The following NELL2 variants were observed in gnomAD, a reference collection of about 807,000 sequenced individuals.
NELL2 encodes the protein protein kinase C-binding protein NELL2.
NELL2 carries 41 observed loss-of-function variants against 109.6 expected under a neutral mutation model. The observed-to-expected ratio is 0.37, with a 90% CI of 0.29 to 0.49. The LOEUF is 0.49. Ranked by LOEUF, NELL2 falls within the 20% of genes least tolerant of loss-of-function variation. NELL2 has a pLI of 0.98. For synonymous variants in NELL2, 355 were observed against 344.7 expected, an observed-to-expected ratio of 1.03 and a Z score of -0.33; for missense variants, 900 against 1,008.3, an observed-to-expected ratio of 0.89 and a Z score of 1.45.
intron 1 of NELL2, 194 bp from the exon 2 acceptor site, chr12:44,875,547 T>A: frequency 6.2e-7 from 1 of 1,613,554 alleles, no homozygotes; most frequent in South Asian, 1.1e-5. Flanking sequence ...GAGCACCCAG[T>A]CCCGTTTCCA....
At chr12:44,805,238 A>G (rs906101802) in intron 3 of NELL2, among the ~76,000 whole-genome samples, 1 of 151,924 alleles carries the variant, frequency 6.6e-6, no homozygotes, top group Non-Finnish European at 1.5e-5. Context: ...AATTTTTTTC[A>G]TAAAACTTAA....
chr12:44,768,966 T>TA (rs1941442165), intron 9 of NELL2, among the ~76,000 whole-genome samples: 1 of 151,606 alleles, frequency 6.6e-6, no homozygotes, highest in African/African-American at 2.4e-5. Flanking sequence ...TTTTTCACCA[T>TA]AGCCTACATA....
chr12:44,813,239 T>C (rs1375691030), intron 3 of NELL2, among the ~76,000 whole-genome samples: 1 of 152,220 alleles, frequency 6.6e-6, no homozygotes, highest in Non-Finnish European at 1.5e-5. Context: ...TCACATGTAA[T>C]GCATGGAGCA....
intron 3 of NELL2, among the ~76,000 whole-genome samples, chr12:44,789,584 T>C (rs1942307530): frequency 1.3e-5 from 2 of 151,800 alleles, no homozygotes; most frequent in African/African-American, 2.4e-5. Context: ...CCCCCAAAAA[T>C]CATACTAGTT....
intron 9 of NELL2, among the ~76,000 whole-genome samples, chr12:44,758,192 A>G (rs1476965513): frequency 1.3e-5 from 2 of 152,114 alleles, no homozygotes; most frequent in African/African-American, 4.8e-5. Context: ...TAACTAGATC[A>G]TTTGGGGAAT....
chr12:44,822,432 C>T (rs1340490764), intron 2 of NELL2, among the ~76,000 whole-genome samples: 1 of 152,162 alleles, frequency 6.6e-6, no homozygotes, highest in Non-Finnish European at 1.5e-5. Flanking sequence ...TTTTGGCCAT[C>T]AAATTCTTCT....
At chr12:44,691,728 T>C (rs1436224843) in intron 12 of NELL2, among the ~76,000 whole-genome samples, 1 of 152,152 alleles carries the variant, frequency 6.6e-6, no homozygotes, top group Non-Finnish European at 1.5e-5. Flanking sequence ...ATTGATGACA[T>C]GGAGAAAGTA....
intron 13 of NELL2, among the ~76,000 whole-genome samples, chr12:44,661,635 G>A (rs577632492): frequency 2.4e-4 from 37 of 151,882 alleles, no homozygotes; most frequent in Admixed American, 4.6e-4. Flanking sequence ...TCCAAGAAGA[G>A]ATTCCCAGTA....
intron 9 of NELL2, among the ~76,000 whole-genome samples, chr12:44,743,571 C>T (rs1380489330): frequency 2.6e-5 from 4 of 152,086 alleles, no homozygotes; most frequent in Non-Finnish European, 5.9e-5. Context: ...CGTGCAGAGA[C>T]ACACAAAGGC....
intron 9 of NELL2, among the ~76,000 whole-genome samples, chr12:44,765,972 T>G (rs1941315583): frequency 6.6e-6 from 1 of 151,918 alleles, no homozygotes; most frequent in Non-Finnish European, 1.5e-5. Context: ...GTACATAAAT[T>G]AGCTGAGCAT....
intron 15 of NELL2, among the ~76,000 whole-genome samples, chr12:44,570,924 T>G (rs1019856903): frequency 1.3e-5 from 2 of 152,172 alleles, no homozygotes; most frequent in Non-Finnish European, 2.9e-5. Context: ...CTTTCTTGCC[T>G]TGTAAAGACA....
At chr12:44,604,874 A>G (rs1283522485) in intron 15 of NELL2, among the ~76,000 whole-genome samples, 1 of 152,148 alleles carries the variant, frequency 6.6e-6, no homozygotes, top group Non-Finnish European at 1.5e-5. Flanking sequence ...GTCCCCAACA[A>G]CTGTAGCACT....
chr12:44,815,335 T>C (rs899489321), intron 3 of NELL2, among the ~76,000 whole-genome samples: 1 of 152,196 alleles, frequency 6.6e-6, no homozygotes, highest in African/African-American at 2.4e-5. Context: ...TGTCTGTCAA[T>C]GATTACAATT....
chr12:44,544,985 T>C (rs1942733415), intron 15 of NELL2, among the ~76,000 whole-genome samples: 1 of 151,616 alleles, frequency 6.6e-6, no homozygotes, highest in Non-Finnish European at 1.5e-5. Context: ...GGAGGGATTG[T>C]GAGTAGGGAG....
intron 3 of NELL2, among the ~76,000 whole-genome samples, chr12:44,781,904 T>C (rs1406429194): frequency 6.6e-6 from 1 of 151,836 alleles, no homozygotes; most frequent in Non-Finnish European, 1.5e-5. Flanking sequence ...AGCAAAATAA[T>C]GACCTCTAAA....
chr12:44,745,112 A>T lies in NELL2; in HGVS notation c.994+29635T>A, dbSNP rs192265588. On this transcript the variant is annotated intron_variant, in intron 9 of 19. Coordinates refer to ENST00000429094, the MANE Select transcript of NELL2 (RefSeq NM_001145108.2). ...TCGAAAAGCTTATCCACCATAATCG[A>T]GTGGGCTTCATCCCTGGGATGCAAG... Among the ~76,000 whole-genome samples the T allele has an allele frequency of 3.2e-4, 48 of 152,344 alleles. No homozygotes were observed. In the East Asian group the frequency reaches 8.9e-3, roughly 28 times the overall value.
chr12:44,743,104 C>T (rs936573697), intron 9 of NELL2, among the ~76,000 whole-genome samples: 4 of 152,118 alleles, frequency 2.6e-5, no homozygotes, highest in Non-Finnish European at 5.9e-5. Context: ...GCAGATCTCT[C>T]GGCAGAAACT....
At chr12:44,609,135 T>C (rs1393141624) in intron 14 of NELL2, among the ~76,000 whole-genome samples, 3 of 151,960 alleles carry the variant, frequency 2.0e-5, no homozygotes, top group Non-Finnish European at 4.4e-5. Context: ...TTGTTTTTGT[T>C]TGTTTTTTGG....
chr12:44,761,010 G>GA (rs1941101342), intron 9 of NELL2, among the ~76,000 whole-genome samples: 1 of 152,092 alleles, frequency 6.6e-6, no homozygotes, highest in African/African-American at 2.4e-5. Context: ...AAATGAGTAA[G>GA]AAAAATGCAA....
Sources: allele counts gnomAD v4.1 joint callset (sites outside exome capture counted in the v4.1 genomes callset), GRCh38; gene constraint gnomAD v4.1.1; transcripts MANE v1.5; gene names NCBI Gene and HGNC (gene_info 2026-07-23, HGNC 2026-07-21).